Variants in FHIP2A observed in about 807,000 individuals in gnomAD.
FHIP2A encodes the protein FHF complex subunit HOOK interacting protein 2A, also known as family with sequence similarity 160 member B1.
A neutral mutation model predicts 93.5 loss-of-function variants in FHIP2A; 46 were observed. That is an observed-to-expected ratio of 0.49 (90% confidence interval 0.39 to 0.63). The LOEUF is 0.63. FHIP2A is among the 20% of genes least tolerant of loss of function. FHIP2A has a pLI of 0.00. For missense variants in FHIP2A, 769 were observed against 909.7 expected (o/e 0.85, Z 1.99); for synonymous variants, 332 against 326.5 (o/e 1.02, Z -0.18).
intron 1 of FHIP2A, among the ~76,000 whole-genome samples, chr10:114,830,474 C>T (rs917820091): frequency 1.3e-5 from 2 of 151,644 alleles, no homozygotes; most frequent in African/African-American, 2.4e-5. Context: ...GGTTTCACCA[C>T]GTTGCCCGGC....
intron 1 of FHIP2A, among the ~76,000 whole-genome samples, chr10:114,823,441 T>C (rs896409856): frequency 5.3e-5 from 8 of 152,138 alleles, no homozygotes; most frequent in Admixed American, 2.0e-4. Flanking sequence ...TATTAAAACA[T>C]TTAAATTTTG....
chr10:114,824,243 A>G (rs2083560408), intron 1 of FHIP2A, among the ~76,000 whole-genome samples: 2 of 152,200 alleles, frequency 1.3e-5, no homozygotes, highest in Non-Finnish European at 2.9e-5. Flanking sequence ...TTACAGAAAT[A>G]AGTACTTAGA....
At position 114,822,061 on chromosome 10, in the gene FHIP2A, C is replaced by A. The variant is rs998561187; in HGVS notation, c.-18C>A. 4 of 1,301,080 alleles carry A rather than the reference C, an allele frequency of 3.1e-6. No homozygotes were observed. The highest frequency in any genetic ancestry group is 4.0e-6 in the Non-Finnish European group (4 of 1,002,290). The allele number at this position is 1,301,080 out of a possible 1,614,324, so 80.6% of individuals were successfully genotyped here. On this transcript the variant is annotated 5_prime_UTR_variant, in exon 1 of 17. The change creates a new upstream start codon in the 5' untranslated region. Transcript: ENST00000369248. ...CTCCAGGTCGTCCCGGGAGAGGCTG[C>A]TGCAGTCCCGGGACAGGATGTTCTC...
At chr10:114,889,616 G>C (rs2083960530) in intron 16 of FHIP2A, among the ~76,000 whole-genome samples, 1 of 152,132 alleles carries the variant, frequency 6.6e-6, no homozygotes, top group African/African-American at 2.4e-5. Flanking sequence ...TATTACTTCA[G>C]GGCTCCATCA....
At position 114,861,201 on chromosome 10, in the gene FHIP2A, G is replaced by C. The variant is rs2143013234; in HGVS notation, c.2089-30G>C. ...AGGTTGTCTGTGTAGCTGATTTCAG[G>C]AACTGAAGTGCCTTGCCTCTGTGAT... On this transcript the variant is annotated intron_variant, in intron 15 of 16. Transcript: ENST00000369248. 5 of 1,610,630 alleles carry C rather than the reference G, an allele frequency of 3.1e-6. No individual in the cohort carries two copies. The South Asian group carries it at 5.5e-5, about 18-fold the overall frequency.
intron 1 of FHIP2A, 82 bp downstream of exon 1, chr10:114,822,205 G>A: frequency 1.1e-6 from 1 of 925,082 alleles, no homozygotes; most frequent in Admixed American, 4.9e-5. Context: ...GACAAGCCGG[G>A]CGGCCTTGGC....
At chr10:114,888,404 A>G (rs569689558) in intron 16 of FHIP2A, among the ~76,000 whole-genome samples, 83 of 152,258 alleles carry the variant, frequency 5.5e-4, no homozygotes, top group African/African-American at 1.9e-3. Context: ...GATGATCAGG[A>G]ATTATCCAGT....
intron 12 of FHIP2A, 31 bp downstream of exon 12, chr10:114,847,264 C>A: frequency 6.3e-7 from 1 of 1,579,130 alleles, no homozygotes; most frequent in Admixed American, 1.9e-5. Context: ...TGACTTCCAT[C>A]TCTCTTGTTT....
chr10:114,878,360 C>A (rs1053239590), intron 16 of FHIP2A, among the ~76,000 whole-genome samples: 4 of 152,218 alleles, frequency 2.6e-5, no homozygotes, highest in Non-Finnish European at 5.9e-5. Flanking sequence ...GGTGTCCTCA[C>A]CTAGTCCAAC....
At chr10:114,890,859 T>A (rs78586558) in intron 16 of FHIP2A, among the ~76,000 whole-genome samples, 9,242 of 149,754 alleles carry the variant, frequency 0.062, 480 homozygotes, top group Admixed American at 0.13. Flanking sequence ...ATTGTAGAGG[T>A]TTTTGGTGTG....
At chr10:114,895,018 C>T (rs1211547030) in intron 16 of FHIP2A, among the ~76,000 whole-genome samples, 1 of 152,130 alleles carries the variant, frequency 6.6e-6, no homozygotes, top group Non-Finnish European at 1.5e-5. Flanking sequence ...CTAATGCATG[C>T]AAGCAGCTCT....
At chr10:114,894,395 C>CAA (rs3086069) in intron 16 of FHIP2A, among the ~76,000 whole-genome samples, 28 of 109,224 alleles carry the variant, frequency 2.6e-4, no homozygotes, top group African/African-American at 4.3e-4. Context: ...CCCATCTCTA[C>CAA]AAAAAAAAAA....
rs568221887 is a variant in FHIP2A at position 114,841,275 on chromosome 10, A to G, written c.523-1658A>G. On this transcript the variant is annotated intron_variant, in intron 5 of 16. Coordinates refer to ENST00000369248, the MANE Select transcript of FHIP2A (RefSeq NM_020940.4). The stretch of plus-strand genomic sequence containing the variant: ...AATGAAATGTTTTACTTTCATAAAG[A>G]GTATGATATGCCATTGGTTTTTTTT... Among the ~76,000 whole-genome samples, 3 of 149,660 alleles carry G rather than the reference A, an allele frequency of 2.0e-5. No homozygotes were observed. The East Asian group carries it at 5.9e-4, about 29-fold the overall frequency.
chr10:114,827,767 A>T (rs1566364256), intron 1 of FHIP2A, among the ~76,000 whole-genome samples: 1 of 142,960 alleles, frequency 7.0e-6, no homozygotes, highest in East Asian at 2.0e-4. Flanking sequence ...ACTGCACTCC[A>T]GCCTGGGTGA....
intron 5 of FHIP2A, among the ~76,000 whole-genome samples, chr10:114,841,242 T>C (rs2083666696): frequency 6.6e-6 from 1 of 151,976 alleles, no homozygotes; most frequent in Non-Finnish European, 1.5e-5. Flanking sequence ...TACTAGTATT[T>C]TAAATTGAAT....
At chr10:114,833,619 TG>T (rs1318201711) in intron 3 of FHIP2A, among the ~76,000 whole-genome samples, 1 of 152,200 alleles carries the variant, frequency 6.6e-6, no homozygotes, top group Non-Finnish European at 1.5e-5. Context: ...TGTACTTGGC[TG>T]CTTAGAATTC....
chr10:114,845,416 C>T lies in FHIP2A; in HGVS notation c.1063C>T (p.Arg355Ter), dbSNP rs755167531. The T allele has an allele frequency of 2.5e-6, 4 of 1,613,494 alleles. No homozygotes were observed. Among genetic ancestry groups the T allele is most frequent in the East Asian group, 2.2e-5 (1 of 44,796 alleles). ...AGATGCTTCAGCATTTCCAGGAAAA[C>T]GAGCCTTAATTTCATTTCTTTCCTG... The part of the protein sequence containing the change: ...KEDASAFPGK[R>*]ALISFLSWFD... The change falls in exon 8 of 17, where the codon CGA becomes TGA. Residue 355 changes from arginine to a stop codon, truncating the protein, a stop_gained. Transcript: ENST00000369248. LOFTEE classifies it high-confidence loss of function.
chr10:114,869,421 G>A (rs1172325896), downstream of FHIP2A, among the ~76,000 whole-genome samples: 1 of 152,082 alleles, frequency 6.6e-6, no homozygotes, highest in African/African-American at 2.4e-5. Flanking sequence ...TTCTTTGTGG[G>A]CTGCTTCAAT....
intron 16 of FHIP2A, among the ~76,000 whole-genome samples, chr10:114,895,885 A>G (rs1340252155): frequency 1.3e-5 from 2 of 152,140 alleles, no homozygotes; most frequent in Non-Finnish European, 2.9e-5. Flanking sequence ...GCCTCTCTGA[A>G]TCATAGTTTT....
Sources: allele counts gnomAD v4.1 joint callset (sites outside exome capture counted in the v4.1 genomes callset), GRCh38; gene constraint gnomAD v4.1.1; transcripts MANE v1.5; gene names NCBI Gene and HGNC (gene_info 2026-07-23, HGNC 2026-07-21).